The following PKP3 variants were observed in gnomAD, a reference collection of about 807,000 sequenced individuals.
PKP3 encodes plakophilin-3.
In PKP3, 66 loss-of-function variants were observed where a neutral mutation model predicts 76.5. That is an observed-to-expected ratio of 0.86 (90% CI 0.71 to 1.06). The LOEUF is 1.06. PKP3 is among the 50% of genes least tolerant of loss of function. PKP3 has a pLI of 0.00. For missense variants in PKP3, 1,338 were observed against 1,141.0 expected (o/e 1.17, Z -2.49); for synonymous variants, 638 against 516.5 (o/e 1.24, Z -3.19).
chr11:393,448 G>A (rs1199543187), upstream of PKP3: 2 of 152,142 alleles, frequency 1.3e-5, no homozygotes, highest in African/African-American at 2.4e-5. Context: ...CCACCCCAGG[G>A]CCTGGGGTGC....
intron 6 of PKP3, 68 bp downstream of exon 6, chr11:400,209 T>G: frequency 7.0e-7 from 1 of 1,427,800 alleles, no homozygotes; most frequent in Non-Finnish European, 9.3e-7. Flanking sequence ...CCGCCTGGCC[T>G]GGCGTTCGCA....
Position 404,653 on chromosome 11 carries a change from G to A in PKP3, c.*84G>A, listed in dbSNP as rs1847226156. ...CCAGGCTGCTTGGCAGCCCAGCCTG[G>A]AGGAGAAGGCTAATGACGGAGGGGC... On this transcript the variant is annotated 3_prime_UTR_variant, in exon 13 of 13. Coordinates refer to ENST00000331563, the MANE Select transcript of PKP3 (RefSeq NM_007183.4). The surrounding 1 kb of genome is among the most constrained non-coding windows in gnomAD (Gnocchi z 4.2). 7.2e-7 allele frequency: 1 copy of A among 1,386,922 alleles called. No individual in the cohort carries two copies. The highest frequency in any genetic ancestry group is 2.3e-5 in the East Asian group (1 of 43,482). 85.9% of individuals were successfully genotyped at this position (1,386,922 alleles called of 1,614,324 possible). A position where few individuals can be genotyped will look rare whatever the true frequency, so the allele number is the denominator to read the frequency against.
intron 4 of PKP3, 143 bp from the exon 5 acceptor site, chr11:398,849 C>A: frequency 1.5e-6 from 1 of 678,062 alleles, no homozygotes; most frequent in Non-Finnish European, 2.5e-6. Context: ...ACCTCCCTAC[C>A]GCCGCACACA....
chr11:399,182 G>A lies in PKP3; in HGVS notation c.1259G>A (p.Arg420His), dbSNP rs777411352. 77 of 1,594,490 alleles carry A rather than the reference G, an allele frequency of 4.8e-5. No individual in the cohort carries two copies. The Middle Eastern group carries it at 8.4e-4, about 17-fold the overall frequency. Reference protein sequence around the residue: ...RTLREQDDELRKNVTGILWNL... With the variant: ...RTLREQDDELHKNVTGILWNL... ...CTGCGGGAGCAGGATGATGAGCTTCGCAAAAATGTCACAGGTGCTGCCTGT... is the reference window on the plus strand; with the variant it reads ...CTGCGGGAGCAGGATGATGAGCTTCACAAAAATGTCACAGGTGCTGCCTGT... The change falls in exon 5 of 13, where the codon CGC (arginine) becomes CAC (histidine). Residue 420 changes from arginine to histidine, a missense_variant. Coordinates refer to ENST00000331563, the MANE Select transcript of PKP3 (RefSeq NM_007183.4).
Position 400,150 on chromosome 11 carries a change from G to C in PKP3, c.1448+9G>C, listed in dbSNP as rs1847127003. The C allele has an allele frequency of 6.5e-7, 1 of 1,533,856 alleles. No homozygotes were observed. The highest frequency in any genetic ancestry group is 8.7e-7 in the Non-Finnish European group (1 of 1,143,928). On this transcript the variant is annotated intron_variant, in intron 6 of 12. Transcript: ENST00000331563. ...GCCACCGGCTTCCTCAGGTGCGCCA[G>C]CCTCGGGCAGCGGGGTGGGGATTGC...
At chr11:393,779 T>C (rs1436559345), upstream of PKP3, among the ~76,000 whole-genome samples, 2 of 152,048 alleles carry the variant, frequency 1.3e-5, no homozygotes, top group Non-Finnish European at 1.5e-5. Context: ...TGGGCTACCA[T>C]GGAGGCTGGC....
At position 403,257 on chromosome 11, in the gene PKP3, C is replaced by A. The variant is rs770850437; in HGVS notation, c.1917C>A (p.Asp639Glu). ...AGALQNITAG[D>E]RRWAGVLSRL... ...CGCTGCAGAACATCACGGCAGGCGA[C>A]CGCAGGGTGGGGCACCCAACCCAGA... The change falls in exon 9 of 13, where the codon GAC (aspartate) becomes GAA (glutamate). Residue 639 changes from aspartate (D) to glutamate (E), a missense_variant. Asp to Glu is a conservative substitution (Grantham distance 45, BLOSUM62 2). Transcript: ENST00000331563. 3.2e-6 allele frequency: 5 copies of A among 1,575,512 alleles called. No homozygotes were observed. The highest frequency in any genetic ancestry group is 1.1e-5 in the South Asian group (1 of 87,608).
chr11:394,262 C>T lies in PKP3; in HGVS notation c.-31C>T, dbSNP rs375518387. On this transcript the variant is annotated 5_prime_UTR_variant, in exon 1 of 13. Transcript: ENST00000331563. ...GAAGATAGTTGGGTTTGGAGGCGGC[C>T]GCCAGGCCCAGGCCCGGTGGACCTG... 13 of 1,467,388 alleles carry T rather than the reference C, an allele frequency of 8.9e-6. No individual in the cohort carries two copies. The East Asian group carries it at 1.7e-4, about 19-fold the overall frequency. 90.9% of individuals were successfully genotyped at this position (1,467,388 alleles called of 1,614,324 possible). A position where few individuals can be genotyped will look rare whatever the true frequency, so the allele number is the denominator to read the frequency against.
chr11:398,868 A>G (rs986187805), intron 4 of PKP3, 124 bp from the exon 5 acceptor site: 2 of 769,856 alleles, frequency 2.6e-6, no homozygotes, highest in African/African-American at 1.8e-5. Flanking sequence ...CACCTCCGTC[A>G]CCTCCCTATA....
In PKP3 at chr11:400,075, GT is replaced by G; in HGVS notation, c.1383del (p.Leu464SerfsTer183). 1 of 1,600,650 alleles carries G rather than the reference GT, an allele frequency of 6.2e-7. No individual in the cohort carries two copies. Among genetic ancestry groups the G allele is most frequent in the Non-Finnish European group, 8.5e-7 (1 of 1,176,202 alleles). Reference sequence around the variant, plus strand: ...TTGAGCCCCCTGTCGGGGGCTGGGGGTCCCCCCCTCATCCAGCAGAACGCCT... The same window carrying G: ...TTGAGCCCCCTGTCGGGGGCTGGGGGCCCCCCCTCATCCAGCAGAACGCCT... Reference protein sequence around the residue: ...LVLSPLSGAGGPPLIQQNASE... With the variant: ...LVLSPLSGAGXPPLIQQNASE... On this transcript the variant is annotated frameshift_variant, in exon 6 of 13. Transcript: ENST00000331563. LOFTEE classifies it high-confidence loss of function.
In PKP3 at chr11:399,303, C is replaced by T. The variant is rs1156633826; in HGVS notation, c.1273+107C>T. 14 of 430,446 alleles carry T rather than the reference C, an allele frequency of 3.3e-5. No homozygotes were observed. The South Asian group carries it at 3.4e-4, about 10-fold the overall frequency. The allele number at this position is 430,446 out of a possible 1,614,324, so 26.7% of individuals were successfully genotyped here. A position where few individuals can be genotyped will look rare whatever the true frequency, so the allele number is the denominator to read the frequency against. On this transcript the variant is annotated intron_variant, in intron 5 of 12. Transcript: ENST00000331563. ...CCCCCTCCACCTGCCCACCATCTGC[C>T]CCCCTTCTCCACCTGCCCCCTCTGC...
chr11:403,214 C>T lies in PKP3; in HGVS notation c.1874C>T (p.Thr625Met), dbSNP rs372974520. The change falls in exon 9 of 13, where the codon ACG (threonine) becomes ATG (methionine). Residue 625 changes from threonine (T) to methionine (M), a missense_variant. Physicochemically the swap from Thr to Met is moderately conservative, Grantham distance 81 (BLOSUM62 -1). Coordinates refer to ENST00000331563, the MANE Select transcript of PKP3 (RefSeq NM_007183.4). ...CGCTGCGAGCTCAACCGGCACACGA[C>T]GGAGGCGGCCGCCGGGGCGCTGCAG... ...LQRCELNRHT[T>M]EAAAGALQNI... The T allele has an allele frequency of 7.5e-6, 12 of 1,590,120 alleles. No individual in the cohort carries two copies. Among genetic ancestry groups the T allele is most frequent in the African/African-American group, 1.3e-5 (1 of 74,208 alleles).
rs796260537 is a variant in PKP3 at position 400,374 on chromosome 11, C to T, written c.1489C>T (p.Arg497Trp). 3.2e-6 allele frequency: 5 copies of T among 1,549,270 alleles called. No homozygotes were observed. The highest frequency in any genetic ancestry group is 1.4e-5 in the African/African-American group (1 of 73,022). The change falls in exon 7 of 13, where the codon CGG (arginine) becomes TGG (tryptophan). Residue 497 changes from arginine (R) to tryptophan (W), a missense_variant. Transcript: ENST00000331563. ...SASQATRQKM[R>W]ECHGLVDALV... ...CTCTCAGGCCACTCGCCAGAAGATG[C>T]GGGAGTGCCACGGGCTGGTGGACGC... is the stretch of plus-strand genomic sequence containing the variant.
chr11:399,221 TGTCCTTCCTCC>T (rs1847106586), intron 5 of PKP3, 25 bp downstream of exon 5: 1 of 1,490,330 alleles, frequency 6.7e-7, no homozygotes, highest in East Asian at 2.6e-5. Context: ...CTCCTCCACC[TGTCCTTCCTCC>T]ACCTGCGCCC....
At chr11:398,056 G>A (rs1267083602) in intron 4 of PKP3, among the ~76,000 whole-genome samples, 9 of 58,240 alleles carry the variant, frequency 1.5e-4, no homozygotes, top group South Asian at 6.3e-4. Flanking sequence ...ACACACCTGC[G>A]TCACCTCCGT....
chr11:397,223 G>C lies in PKP3; in HGVS notation c.722G>C (p.Arg241Pro). 1 of 1,599,088 alleles carries C rather than the reference G, an allele frequency of 6.3e-7. No homozygotes were observed. The highest frequency in any genetic ancestry group is 8.5e-7 in the Non-Finnish European group (1 of 1,178,936). ...WPEATEVSPS[R>P]TIRAPAVRTL... ...GAGGCCACTGAGGTTTCCCCGAGCCGGACCATCCGTGCCCCTGCCGTGCGG... is the reference window on the plus strand; with the variant it reads ...GAGGCCACTGAGGTTTCCCCGAGCCCGACCATCCGTGCCCCTGCCGTGCGG... The change falls in exon 3 of 13, where the codon CGG (arginine) becomes CCG (proline). Residue 241 changes from arginine (R) to proline (P), a missense_variant. By Grantham distance (103) the Arg-to-Pro change is moderately radical. Transcript: ENST00000331563.
At chr11:400,782 GC>G (rs1847143520) in intron 8 of PKP3, 77 bp downstream of exon 8, 3 of 666,532 alleles carry the variant, frequency 4.5e-6, no homozygotes, top group Non-Finnish European at 3.5e-6. Context: ...GCTCACCCCC[GC>G]CCCGCTCACC....
At chr11:403,484 G>C (rs74045276) in intron 9 of PKP3, 134 bp from the exon 10 acceptor site, 492,069 of 915,396 alleles carry the variant, frequency 0.54, 135,393 homozygotes, top group Admixed American at 0.61. Context: ...GATTCCCCCC[G>C]GCTGGGGGGC....
chr11:398,940 G>A, intron 4 of PKP3, 52 bp from the exon 5 acceptor site: 7 of 1,338,584 alleles, frequency 5.2e-6, no homozygotes, highest in Non-Finnish European at 7.2e-6. Context: ...CAGGTGCATA[G>A]TCTGCATCCA....
Sources: allele counts gnomAD v4.1 joint callset (sites outside exome capture counted in the v4.1 genomes callset), GRCh38; gene constraint gnomAD v4.1.1; non-coding constraint Gnocchi (gnomAD v3.1); transcripts MANE v1.5; gene names NCBI Gene and HGNC (gene_info 2026-07-23, HGNC 2026-07-21).